The following ADAMTS17 variants were observed in gnomAD, a reference collection of about 807,000 sequenced individuals.
ADAMTS17 encodes A disintegrin and metalloproteinase with thrombospondin motifs 17.
A neutral mutation model predicts 141.5 loss-of-function variants in ADAMTS17; 113 were observed. The ratio of observed to expected loss-of-function variants is 0.80; its 90% confidence interval spans 0.69 to 0.93. ADAMTS17 has a LOEUF of 0.93. ADAMTS17 is among the 40% of genes least tolerant of loss of function. The pLI is 0.00. For missense variants in ADAMTS17, 1,659 were observed against 1,517.9 expected (o/e 1.09, Z -1.54); for synonymous variants, 768 against 630.6 (o/e 1.22, Z -3.27).
At position 100,053,914 on chromosome 15, in the gene ADAMTS17, G is replaced by C; in HGVS notation, c.2278C>G (p.Leu760Val). ...EKISAKGPTK[L>V]PLHLMVLLFH... The stretch of plus-strand genomic sequence containing the variant: ...CAAGTTACCATCAAGTGCAGCGGTA[G>C]TTTGGTTGGTCCCTTGGCAGAGATC... Residue 760 changes from leucine (L) to valine (V), a missense_variant, in exon 16 of 22, where the codon CTA (leucine) becomes GTA (valine). Transcript: ENST00000268070. The C allele has an allele frequency of 3.7e-6, 6 of 1,614,210 alleles. No homozygotes were observed. Among genetic ancestry groups the C allele is most frequent in the Non-Finnish European group, 4.2e-6 (5 of 1,180,036 alleles).
At chr15:100,098,301 T>C (rs1272524850) in intron 14 of ADAMTS17, among the ~76,000 whole-genome samples, 1 of 151,956 alleles carries the variant, frequency 6.6e-6, no homozygotes, top group Non-Finnish European at 1.5e-5. Flanking sequence ...CAGGGCTGCC[T>C]AGATTCTCGG....
intron 18 of ADAMTS17, among the ~76,000 whole-genome samples, chr15:100,025,999 C>T (rs2141466323): frequency 6.6e-6 from 1 of 152,164 alleles, no homozygotes; most frequent in African/African-American, 2.4e-5. Context: ...TTTCACAAAG[C>T]AAGGCTTGTA....
At chr15:100,236,538 AAAACAAAC>A (rs760089553) in intron 7 of ADAMTS17, among the ~76,000 whole-genome samples, 1 of 152,076 alleles carries the variant, frequency 6.6e-6, no homozygotes, top group African/African-American at 2.4e-5. Context: ...ATCTTTACAA[AAAACAAAC>A]AAACAAACAA....
In ADAMTS17 at chr15:100,029,426, T is replaced by C. The variant is rs113157630; in HGVS notation, c.2591+19431A>G. 4.8e-4 allele frequency among the ~76,000 whole-genome samples: 73 copies of C among 152,326 alleles called. 1 individual carries two copies. Among genetic ancestry groups the C allele is most frequent in the African/African-American group, 1.6e-3 (65 of 41,562 alleles). ...TTTGTAAGAAATAAAGTCAGGGTGA[T>C]GAGTCCTTTCATTCATCCATTTATG... is the stretch of plus-strand genomic sequence containing the variant. On this transcript the variant is annotated intron_variant, in intron 18 of 21. Coordinates refer to ENST00000268070, the MANE Select transcript of ADAMTS17 (RefSeq NM_139057.4).
intron 18 of ADAMTS17, among the ~76,000 whole-genome samples, chr15:100,008,933 G>C (rs2061098362): frequency 1.3e-5 from 2 of 152,112 alleles, no homozygotes; most frequent in Non-Finnish European, 2.9e-5. Context: ...CGACCTCTTG[G>C]GGCTCAAGTG....
At chr15:100,179,763 G>A (rs576512352) in intron 8 of ADAMTS17, among the ~76,000 whole-genome samples, 2 of 152,224 alleles carry the variant, frequency 1.3e-5, no homozygotes, top group African/African-American at 2.4e-5. Context: ...GATATCTCAT[G>A]GTAGTTTTGA....
chr15:100,183,836 T>G (rs932044289), intron 8 of ADAMTS17, among the ~76,000 whole-genome samples: 8 of 152,190 alleles, frequency 5.3e-5, no homozygotes, highest in Non-Finnish European at 1.0e-4. Context: ...AGTTTAGTTT[T>G]CAGAGGCCCT....
chr15:100,244,163 G>A (rs1350784543), intron 7 of ADAMTS17, among the ~76,000 whole-genome samples: 1 of 151,882 alleles, frequency 6.6e-6, no homozygotes, highest in East Asian at 2.0e-4. Context: ...GAAACTATCA[G>A]ATCTCATGAG....
chr15:100,126,584 G>A (rs2037747114), intron 12 of ADAMTS17, among the ~76,000 whole-genome samples: 1 of 152,164 alleles, frequency 6.6e-6, no homozygotes, highest in Non-Finnish European at 1.5e-5. Context: ...CTCAGTGAGG[G>A]GAGATGATAC....
intron 3 of ADAMTS17, among the ~76,000 whole-genome samples, chr15:100,310,323 A>T (rs2045362369): frequency 6.6e-6 from 1 of 152,222 alleles, no homozygotes; most frequent in Non-Finnish European, 1.5e-5. Context: ...ATCCCCCAAA[A>T]GCACAGTGAG....
chr15:100,065,085 T>C (rs1567113985), intron 15 of ADAMTS17, among the ~76,000 whole-genome samples: 1 of 152,130 alleles, frequency 6.6e-6, no homozygotes, highest in East Asian at 1.9e-4. Context: ...TAAAATGGAT[T>C]TATTTTTATA....
chr15:100,104,205 A>T (rs894327152), intron 14 of ADAMTS17, among the ~76,000 whole-genome samples: 7 of 152,212 alleles, frequency 4.6e-5, no homozygotes, highest in African/African-American at 1.2e-4. Flanking sequence ...GCAGTTGTGT[A>T]TCAGAGGCTT....
At chr15:99,975,933 A>T in intron 21 of ADAMTS17, 112 bp downstream of exon 21, 1 of 1,190,054 alleles carries the variant, frequency 8.4e-7, no homozygotes, top group Non-Finnish European at 1.2e-6. Context: ...TTATGTGACA[A>T]GTGAGGCCCA....
chr15:100,083,711 A>T (rs1288901197), intron 15 of ADAMTS17, among the ~76,000 whole-genome samples: 1 of 149,950 alleles, frequency 6.7e-6, no homozygotes, highest in Non-Finnish European at 1.5e-5. Flanking sequence ...TTGGTGCCTT[A>T]TTGTTGTGCC....
At chr15:100,024,269 T>A (rs187464221) in intron 18 of ADAMTS17, among the ~76,000 whole-genome samples, 45 of 152,202 alleles carry the variant, frequency 3.0e-4, no homozygotes, top group Non-Finnish European at 1.5e-5. Context: ...ATTTAAAAAA[T>A]TTTTTTTGTA....
chr15:100,179,138 C>T (rs1362621781), intron 8 of ADAMTS17, among the ~76,000 whole-genome samples: 1 of 152,092 alleles, frequency 6.6e-6, no homozygotes, highest in Non-Finnish European at 1.5e-5. Flanking sequence ...ATAACTATAG[C>T]CCTGTTGTGG....
chr15:100,066,139 G>A (rs138848892), intron 15 of ADAMTS17, among the ~76,000 whole-genome samples: 1 of 152,092 alleles, frequency 6.6e-6, no homozygotes, highest in Non-Finnish European at 1.5e-5. Context: ...TGGGCATTTG[G>A]GTTGGTTCCA....
Position 100,029,055 on chromosome 15 carries a change from C to T in ADAMTS17, c.2591+19802G>A, listed in dbSNP as rs554185987. On this transcript the variant is annotated intron_variant, in intron 18 of 21. Transcript: ENST00000268070. ...AGGCTCCAAACTGTTTCCTCCCTCC[C>T]ATTGCTGCATGCCTCAGTGCACTTG... is the stretch of plus-strand genomic sequence containing the variant. Among the ~76,000 whole-genome samples, 3 of 152,334 alleles carry T rather than the reference C, an allele frequency of 2.0e-5. No homozygotes were observed. The South Asian group carries it at 6.2e-4, about 32-fold the overall frequency.
At chr15:99,983,126 G>A (rs1342878682) in intron 20 of ADAMTS17, among the ~76,000 whole-genome samples, 1 of 152,118 alleles carries the variant, frequency 6.6e-6, no homozygotes, top group Non-Finnish European at 1.5e-5. Context: ...TTGTGCAAGC[G>A]TTACTAGCTT....
Sources: gnomAD v4.1 joint callset for allele counts (sites outside exome capture counted in the v4.1 genomes callset) on GRCh38, gnomAD v4.1.1 for gene constraint, MANE v1.5 for transcripts, NCBI Gene and HGNC (gene_info 2026-07-23, HGNC 2026-07-21) for gene names.